MED1: variants seen among roughly 807,000 people sequenced by gnomAD.
The protein encoded by MED1 is mediator complex subunit 1, also known as mediator of RNA polymerase II transcription subunit 1.
In MED1, 17 loss-of-function variants were observed where a neutral mutation model predicts 121.3. That is an observed-to-expected ratio of 0.14 (90% CI 0.10 to 0.21). The LOEUF is 0.21. Among genes scored for constraint, MED1 ranks in the 10% least tolerant of loss-of-function variants. MED1 has a pLI of 1.00. For missense variants in MED1, 1,558 were observed against 1,919.4 expected (o/e 0.81, Z 3.52); for synonymous variants, 661 against 694.4 (o/e 0.95, Z 0.76).
rs2048488073 is a variant in MED1, at chr17:39,423,677, T to C, written c.976+20A>G. ...TTTCACATTTATAACAAGTACTAGATCCTGATGCTCAAAACTCACCTGTGC... is the reference window on the plus strand; with the variant it reads ...TTTCACATTTATAACAAGTACTAGACCCTGATGCTCAAAACTCACCTGTGC... On this transcript the variant is annotated intron_variant, in intron 12 of 16. Transcript: ENST00000300651. The C allele has an allele frequency of 1.9e-6, 3 of 1,613,852 alleles. No homozygotes were observed. The highest frequency in any genetic ancestry group is 1.3e-5 in the African/African-American group (1 of 74,996).
rs769452773 is a variant in MED1 at position 39,409,200 on chromosome 17, A to G, written c.3021T>C (p.Asp1007=). Residue 1007 remains aspartate (D), a synonymous_variant, in exon 17 of 17, where the codon GAT becomes GAC. Coordinates refer to ENST00000300651, the MANE Select transcript of MED1 (RefSeq NM_004774.4). ...RTPSNDGKSK[D]KPPKRKKADT... is the part of the protein sequence containing the mutation. ...CTGCCTTCTTCCGCTTTGGAGGCTT[A>G]TCTTTGCTTTTCCCATCATTAGAAG... The G allele has an allele frequency of 7.3e-5, 118 of 1,613,942 alleles. No individual in the cohort carries two copies. The highest frequency in any genetic ancestry group is 3.2e-4 in the Admixed American group (19 of 59,984).
In MED1 at chr17:39,440,740, T is replaced by C; in HGVS notation, c.212-63A>G. On this transcript the variant is annotated intron_variant, in intron 3 of 16. Transcript: ENST00000300651. This position sits in a 1 kb window ranked among gnomAD's most constrained non-coding sequence, Gnocchi z 4.1. ...CCAAATGACTTAAATGATATTCTTT[T>C]AAGACAGAAAGATTCATCCTTCCAA... 1.4e-6 allele frequency: 2 copies of C among 1,438,924 alleles called. No individual in the cohort carries two copies. Among genetic ancestry groups the C allele is most frequent in the Non-Finnish European group, 1.9e-6 (2 of 1,037,500 alleles). 89.1% of individuals were successfully genotyped at this position (1,438,924 alleles called of 1,614,324 possible). A position where few individuals can be genotyped will look rare whatever the true frequency, so the allele number is the denominator to read the frequency against.
intron 14 of MED1, among the ~76,000 whole-genome samples, chr17:39,418,756 A>T (rs1202643606): frequency 6.6e-6 from 1 of 151,630 alleles, no homozygotes; most frequent in Non-Finnish European, 1.5e-5. Flanking sequence ...ATTATCATTC[A>T]GTTCATCTTC....
In MED1 at chr17:39,434,321, C is replaced by T. The variant is rs1257814637; in HGVS notation, c.429-1G>A. On this transcript the variant is annotated splice_acceptor_variant, in intron 6 of 16. Coordinates refer to ENST00000300651, the MANE Select transcript of MED1 (RefSeq NM_004774.4). LOFTEE classifies it high-confidence loss of function. ...AGAAAATTCATCAAAATTTTTTTCC[C>T]TATAAGGAGTTCAGGGAAGAGGGGA... The T allele has an allele frequency of 6.5e-7, 1 of 1,533,336 alleles. No homozygotes were observed. The highest frequency in any genetic ancestry group is 8.8e-7 in the Non-Finnish European group (1 of 1,132,002). The allele number at this position is 1,533,336 out of a possible 1,614,324, so 95.0% of individuals were successfully genotyped here. A position where few individuals can be genotyped will look rare whatever the true frequency, so the allele number is the denominator to read the frequency against.
chr17:39,432,548 G>T (rs1200591461), intron 7 of MED1, among the ~76,000 whole-genome samples: 1 of 150,904 alleles, frequency 6.6e-6, no homozygotes, highest in East Asian at 1.9e-4. Context: ...AGGAGTTTGA[G>T]ACCAGCCTGG....
At chr17:39,411,466 C>A (rs1365978812) in intron 16 of MED1, among the ~76,000 whole-genome samples, 1 of 149,380 alleles carries the variant, frequency 6.7e-6, no homozygotes, top group Non-Finnish European at 1.5e-5. Flanking sequence ...ACTAAAAATA[C>A]AAAAAATTAG....
At chr17:39,417,597 CCAGCCTGGGCGA>C (rs1412363165) in intron 14 of MED1, among the ~76,000 whole-genome samples, 1 of 152,142 alleles carries the variant, frequency 6.6e-6, no homozygotes, top group Non-Finnish European at 1.5e-5. Flanking sequence ...CCACTGCACT[CCAGCCTGGGCGA>C]CAGAGCGAGA....
In MED1 at chr17:39,423,680, T is replaced by C. The variant is rs763360691; in HGVS notation, c.976+17A>G. On this transcript the variant is annotated intron_variant, in intron 12 of 16. Transcript: ENST00000300651. ...CACATTTATAACAAGTACTAGATCC[T>C]GATGCTCAAAACTCACCTGTGCAGT... The C allele has an allele frequency of 5.6e-6, 9 of 1,613,872 alleles. No homozygotes were observed. In the South Asian group the frequency reaches 6.6e-5, roughly 12 times the overall value.
At chr17:39,420,954 C>T (rs1567643755) in intron 13 of MED1, among the ~76,000 whole-genome samples, 2 of 151,660 alleles carry the variant, frequency 1.3e-5, no homozygotes, top group Non-Finnish European at 2.9e-5. Flanking sequence ...CGCCACCACA[C>T]CCAGCTAATT....
chr17:39,431,067 CAACTT>C lies in MED1; in HGVS notation c.649+43_649+47del, dbSNP rs768990709. ...AGGTGAAATGAAAAGTAATGACCCTCAACTTAAATTACACATGTTTCTAAACAAGC... is the reference window on the plus strand; with the variant it reads ...AGGTGAAATGAAAAGTAATGACCCTCAAATTACACATGTTTCTAAACAAGC... On this transcript the variant is annotated intron_variant, in intron 9 of 16. Coordinates refer to ENST00000300651, the MANE Select transcript of MED1 (RefSeq NM_004774.4). 6 of 1,469,214 alleles carry C rather than the reference CAACTT, an allele frequency of 4.1e-6. No homozygotes were observed. The Admixed American group carries it at 8.8e-5, about 21-fold the overall frequency. The allele number at this position is 1,469,214 out of a possible 1,614,324, so 91.0% of individuals were successfully genotyped here. A position where few individuals can be genotyped will look rare whatever the true frequency, so the allele number is the denominator to read the frequency against.
Position 39,409,474 on chromosome 17 carries a change from C to G in MED1, c.2747G>C (p.Gly916Ala). The G allele has an allele frequency of 6.2e-7, 1 of 1,614,114 alleles. No homozygotes were observed. The highest frequency in any genetic ancestry group is 1.1e-5 in the South Asian group (1 of 91,082). The change falls in exon 17 of 17, where the codon GGG becomes GCG. Residue 916 changes from glycine to alanine, a missense_variant. By Grantham distance (60) the Gly-to-Ala change is moderately conservative. Transcript: ENST00000300651. ...GTTATTGCCCTTAAACTTGGTCTCC[C>G]CATTATCACCTCCAAGCATTGGCAC... ...LGVPMLGGDNGETKFKGNNQA... is the reference protein window; with the variant it reads ...LGVPMLGGDNAETKFKGNNQA...
At chr17:39,413,926 A>C (rs1353940514) in intron 16 of MED1, among the ~76,000 whole-genome samples, 3 of 149,614 alleles carry the variant, frequency 2.0e-5, no homozygotes, top group African/African-American at 4.9e-5. Flanking sequence ...AAAAAAAAAA[A>C]AAAAAAAAAA....
intron 14 of MED1, among the ~76,000 whole-genome samples, chr17:39,416,290 TA>T (rs1357795992): frequency 6.6e-6 from 1 of 152,212 alleles, no homozygotes; most frequent in Non-Finnish European, 1.5e-5. Flanking sequence ...GATAAGCAGA[TA>T]TCCAGAACCA....
chr17:39,417,453 C>G (rs999335952), intron 14 of MED1, among the ~76,000 whole-genome samples: 3 of 151,834 alleles, frequency 2.0e-5, no homozygotes, highest in African/African-American at 7.3e-5. Context: ...ACGGTGACAC[C>G]CCGTTTCTAC....
rs1597879653 is a variant in MED1 at position 39,451,227 on chromosome 17, T to C, written c.-165A>G. The C allele has an allele frequency of 4.2e-6, 3 of 707,970 alleles. No individual in the cohort carries two copies. The highest frequency in any genetic ancestry group is 7.0e-6 in the Non-Finnish European group (3 of 430,456). The allele number at this position is 707,970 out of a possible 1,614,324, so 43.9% of individuals were successfully genotyped here. On this transcript the variant is annotated 5_prime_UTR_variant, in exon 1 of 17. Coordinates refer to ENST00000300651, the MANE Select transcript of MED1 (RefSeq NM_004774.4). ...GTCCCCGGCGGCAAGAAGAGAAGGG[T>C]GCTCGAGGCCGCCGCCATCTTCCCC...
At chr17:39,434,904 G>A (rs1028985168) in intron 6 of MED1, among the ~76,000 whole-genome samples, 1 of 152,086 alleles carries the variant, frequency 6.6e-6, no homozygotes, top group Non-Finnish European at 1.5e-5. Flanking sequence ...CAGTCCTCGC[G>A]CCTGTAATCC....
intron 2 of MED1, among the ~76,000 whole-genome samples, chr17:39,444,288 C>A (rs1430154011): frequency 6.6e-6 from 1 of 151,828 alleles, no homozygotes; most frequent in East Asian, 1.9e-4. Context: ...GCGGGTGGAT[C>A]ACGAGGTCAA....
chr17:39,427,702 A>C lies in MED1; in HGVS notation c.738T>G (p.Asn246Lys). ...ATTCCTTTACAATTAAAGTCTTACC[A>C]TTATTCTCATGCAAAATGATGGGAG... ...TASPIILHEN[N>K]VSRSLGMNAS... Residue 246 changes from asparagine (N) to lysine (K), a missense_variant and splice_region_variant, in exon 10 of 17, where the codon AAT becomes AAG. Around this residue, in one of 5 missense-constraint regions of MED1, gnomAD observed 443 missense variants for 532.4 expected, o/e 0.83. Transcript: ENST00000300651. 6.3e-7 allele frequency: 1 copy of C among 1,585,416 alleles called. No individual in the cohort carries two copies. The highest frequency in any genetic ancestry group is 8.7e-7 in the Non-Finnish European group (1 of 1,154,792).
chr17:39,428,180 C>T (rs548894889), intron 9 of MED1, among the ~76,000 whole-genome samples: 1 of 152,112 alleles, frequency 6.6e-6, no homozygotes, highest in East Asian at 1.9e-4. Flanking sequence ...GAAACCCCAT[C>T]TCTACTAAAA....
Sources: allele counts gnomAD v4.1 joint callset (sites outside exome capture counted in the v4.1 genomes callset), GRCh38; gene constraint gnomAD v4.1.1; regional missense constraint gnomAD v4.1.1; non-coding constraint Gnocchi (gnomAD v3.1); transcripts MANE v1.5; gene names NCBI Gene and HGNC (gene_info 2026-07-23, HGNC 2026-07-21).